TMPRSS12: variants seen among roughly 807,000 people sequenced by gnomAD.
TMPRSS12 encodes transmembrane protease serine 12.
In TMPRSS12, 25 loss-of-function variants were observed where a neutral mutation model predicts 26.0. That is an observed-to-expected ratio of 0.96 (90% confidence interval 0.70 to 1.34). TMPRSS12 has a LOEUF of 1.34. Ranked by LOEUF, TMPRSS12 falls within the 40% of genes most tolerant of loss-of-function variation. TMPRSS12 has a pLI of 0.00. For missense variants in TMPRSS12, 441 were observed against 440.1 expected (o/e 1.00, Z -0.02); for synonymous variants, 150 against 161.7 (o/e 0.93, Z 0.55).
In TMPRSS12 at chr12:50,843,119, G is replaced by GGC; in HGVS notation, c.157_158dup (p.Arg54GlyfsTer27). 1.3e-6 allele frequency: 2 copies of GGC among 1,574,732 alleles called. No individual in the cohort carries two copies. Among genetic ancestry groups the GGC allele is most frequent in the South Asian group, 2.3e-5 (2 of 85,990 alleles). ...GCTGAGGCCGTCCGCAAGAGGCTCCGGCGGCGGAGGGAGGGAGGGGCGCAT... is the reference window on the plus strand; with the variant it reads ...GCTGAGGCCGTCCGCAAGAGGCTCCGGCGCGGCGGAGGGAGGGAGGGGCGCAT... On this transcript the variant is annotated frameshift_variant, in exon 1 of 5. Coordinates refer to ENST00000398458, the MANE Select transcript of TMPRSS12 (RefSeq NM_182559.3). LOFTEE classifies it high-confidence loss of function.
At position 50,872,382 on chromosome 12, in the gene TMPRSS12, G is replaced by A. The variant is rs1269839610; in HGVS notation, c.653-12864G>A. Among the ~76,000 whole-genome samples the A allele has an allele frequency of 1.2e-3, 185 of 149,312 alleles. 1 individual carries two copies. Among genetic ancestry groups the A allele is most frequent in the African/African-American group, 4.2e-3 (169 of 40,714 alleles). On this transcript the variant is annotated intron_variant, in intron 3 of 4. Transcript: ENST00000398458. ...CAAAAAATTAGCCGGGCGCGGTGGC[G>A]GGCGCCTGTAGTCCCAGCTACTCGG...
chr12:50,860,996 G>A (rs191640268), intron 3 of TMPRSS12, among the ~76,000 whole-genome samples: 1 of 152,066 alleles, frequency 6.6e-6, no homozygotes, highest in East Asian at 1.9e-4. Context: ...TAGCCGCTTC[G>A]GTCTCCTGAG....
chr12:50,870,485 A>G (rs1938031900), intron 3 of TMPRSS12, among the ~76,000 whole-genome samples: 1 of 152,198 alleles, frequency 6.6e-6, no homozygotes, highest in African/African-American at 2.4e-5. Flanking sequence ...ACAAACCCAC[A>G]GCCAACATAA....
intron 3 of TMPRSS12, among the ~76,000 whole-genome samples, chr12:50,883,408 C>T (rs1355760361): frequency 6.6e-6 from 1 of 152,154 alleles, no homozygotes; most frequent in Non-Finnish European, 1.5e-5. Flanking sequence ...TAGAAGTCAG[C>T]CAGCTGTGGT....
intron 3 of TMPRSS12, among the ~76,000 whole-genome samples, chr12:50,866,895 C>A (rs942494450): frequency 1.3e-5 from 2 of 152,132 alleles, no homozygotes; most frequent in Non-Finnish European, 2.9e-5. Context: ...ATCGCTGCAG[C>A]TCGGTTCTCA....
intron 2 of TMPRSS12, among the ~76,000 whole-genome samples, chr12:50,854,974 C>T (rs112542632): frequency 2.6e-5 from 4 of 152,080 alleles, no homozygotes; most frequent in South Asian, 2.1e-4. Flanking sequence ...CTAAAATTCA[C>T]GTGGAACCAA....
Position 50,843,001 on chromosome 12 carries a change from G to C in TMPRSS12, c.37G>C (p.Val13Leu), listed in dbSNP as rs1201207145. The change falls in exon 1 of 5, where the codon GTG becomes CTG. Residue 13 changes from valine (V) to leucine (L), a missense_variant. Physicochemically the swap from Val to Leu is conservative, Grantham distance 32 (BLOSUM62 1). Coordinates refer to ENST00000398458, the MANE Select transcript of TMPRSS12 (RefSeq NM_182559.3). ...LGLLSVALLF[V>L]GSSHLYSDHY... is the part of the protein sequence containing the mutation. Reference sequence around the variant, plus strand: ...GCTCCTGAGCGTGGCGCTGTTGTTTGTGGGGAGCTCTCACTTATACTCAGA... The same window carrying C: ...GCTCCTGAGCGTGGCGCTGTTGTTTCTGGGGAGCTCTCACTTATACTCAGA... 1.2e-6 allele frequency: 2 copies of C among 1,604,100 alleles called. No individual in the cohort carries two copies. Among genetic ancestry groups the C allele is most frequent in the South Asian group, 2.2e-5 (2 of 89,226 alleles).
In TMPRSS12 at chr12:50,872,557, A is replaced by T. The variant is rs530441897; in HGVS notation, c.653-12689A>T. Among the ~76,000 whole-genome samples the T allele has an allele frequency of 1.9e-4, 19 of 101,418 alleles. 2 individuals carry two copies. In the East Asian group the frequency reaches 4.1e-3, roughly 22 times the overall value. The allele number at this position is 101,418 out of a possible 152,430, so 66.5% of individuals were successfully genotyped here. A position where few individuals can be genotyped will look rare whatever the true frequency, so the allele number is the denominator to read the frequency against. On this transcript the variant is annotated intron_variant, in intron 3 of 4. Coordinates refer to ENST00000398458, the MANE Select transcript of TMPRSS12 (RefSeq NM_182559.3). ...AAAAAAAAAAAGGAACTGTGAAAAA[A>T]ATATATATATATGCCATATATATGT...
At chr12:50,868,472 A>G (rs1199451437) in intron 3 of TMPRSS12, among the ~76,000 whole-genome samples, 2 of 152,204 alleles carry the variant, frequency 1.3e-5, no homozygotes, top group African/African-American at 4.8e-5. Flanking sequence ...ATATGCACCT[A>G]ACACTGGAGT....
intron 3 of TMPRSS12, among the ~76,000 whole-genome samples, chr12:50,881,331 G>C (rs1309172936): frequency 6.6e-6 from 1 of 152,074 alleles, no homozygotes; most frequent in East Asian, 1.9e-4. Context: ...TTGATTACAA[G>C]TGAGCATAGG....
chr12:50,857,910 G>T (rs1224536344), intron 2 of TMPRSS12, among the ~76,000 whole-genome samples: 2 of 151,688 alleles, frequency 1.3e-5, no homozygotes, highest in African/African-American at 2.4e-5. Context: ...CTCACTGCAA[G>T]CCCCGCCTCC....
intron 3 of TMPRSS12, among the ~76,000 whole-genome samples, chr12:50,874,721 G>C (rs1938096896): frequency 6.6e-6 from 1 of 152,088 alleles, no homozygotes; most frequent in Non-Finnish European, 1.5e-5. Flanking sequence ...AAAGTTCCAG[G>C]ATACAAAATA....
At position 50,874,030 on chromosome 12, in the gene TMPRSS12, AG is replaced by A. The variant is rs1364386319; in HGVS notation, c.653-11215del. On this transcript the variant is annotated intron_variant, in intron 3 of 4. Coordinates refer to ENST00000398458, the MANE Select transcript of TMPRSS12 (RefSeq NM_182559.3). Reference sequence around the variant, plus strand: ...AAGGAAAAAAATTATAACTGGCTCAAGAAGAAATGAATATCTGAATAAACTT... The same window carrying A: ...AAGGAAAAAAATTATAACTGGCTCAAAAGAAATGAATATCTGAATAAACTT... Among the ~76,000 whole-genome samples, 3 of 152,344 alleles carry A rather than the reference AG, an allele frequency of 2.0e-5. No homozygotes were observed. In the East Asian group the frequency reaches 5.8e-4, roughly 29 times the overall value.
Position 50,850,437 on chromosome 12 carries a change from C to T in TMPRSS12, c.383+6400C>T, listed in dbSNP as rs771201333. 2.6e-5 allele frequency among the ~76,000 whole-genome samples: 4 copies of T among 152,154 alleles called. 1 individual carries two copies. Among genetic ancestry groups the T allele is most frequent in the African/African-American group, 2.4e-5 (1 of 41,520 alleles). On this transcript the variant is annotated intron_variant, in intron 2 of 4. Transcript: ENST00000398458. ...CTACAAAAAATTTTAAAAATTAGCCCGGTATGGTGGCTTATGCCTGTGGTC... is the reference window on the plus strand; with the variant it reads ...CTACAAAAAATTTTAAAAATTAGCCTGGTATGGTGGCTTATGCCTGTGGTC...
At chr12:50,861,645 A>AC (rs1937936395) in intron 3 of TMPRSS12, among the ~76,000 whole-genome samples, 2 of 152,122 alleles carry the variant, frequency 1.3e-5, no homozygotes, top group African/African-American at 4.8e-5. Context: ...CTCATTTAAT[A>AC]CCCCCAGCAA....
At chr12:50,875,489 CAAA>C (rs56816598) in intron 3 of TMPRSS12, among the ~76,000 whole-genome samples, 3 of 69,498 alleles carry the variant, frequency 4.3e-5, no homozygotes, top group African/African-American at 6.0e-5. Flanking sequence ...GACTCCATCT[CAAA>C]AAAAAAAAAA....
chr12:50,843,453 C>T (rs1298008339), intron 1 of TMPRSS12, among the ~76,000 whole-genome samples: 1 of 152,136 alleles, frequency 6.6e-6, no homozygotes, highest in Non-Finnish European at 1.5e-5. Context: ...CCATTTCATA[C>T]TATAGTTGAG....
intron 2 of TMPRSS12, among the ~76,000 whole-genome samples, chr12:50,855,760 G>A (rs552911131): frequency 1.9e-4 from 29 of 152,186 alleles, no homozygotes; most frequent in Non-Finnish European, 4.3e-4. Flanking sequence ...GCATGCATAT[G>A]TTTATTGCAG....
rs796873675 is a variant in TMPRSS12, at chr12:50,878,640, GA to G, written c.653-6598del. On this transcript the variant is annotated intron_variant, in intron 3 of 4. Transcript: ENST00000398458. ...ATTAATGGAACACAACATGGAGGGG[GA>G]AAAAAAACCTTATATTTATGGCCAG... Among the ~76,000 whole-genome samples, 472 of 151,554 alleles carry G rather than the reference GA, an allele frequency of 3.1e-3. 1 individual carries two copies. The highest frequency in any genetic ancestry group is 0.011 in the African/African-American group (453 of 41,352).
Sources: gnomAD v4.1 joint callset for allele counts (sites outside exome capture counted in the v4.1 genomes callset) on GRCh38, gnomAD v4.1.1 for gene constraint, MANE v1.5 for transcripts, NCBI Gene and HGNC (gene_info 2026-07-23, HGNC 2026-07-21) for gene names.